TSPAN11: variants seen among roughly 807,000 people sequenced by gnomAD.
TSPAN11 encodes tetraspanin-11.
TSPAN11 carries 29 observed loss-of-function variants against 32.9 expected under a neutral mutation model. The observed-to-expected ratio is 0.88, with a 90% CI of 0.66 to 1.20. The LOEUF (loss-of-function observed/expected upper bound fraction) is 1.20, where lower values mean the gene tolerates loss of function less well. TSPAN11 is among the 50% of genes most tolerant of loss of function. TSPAN11 has a pLI of 0.00. For missense variants in TSPAN11, 283 were observed against 329.1 expected (o/e 0.86, Z 1.08); for synonymous variants, 140 against 141.3 (o/e 0.99, Z 0.07).
chr12:31,008,647 T>C, the TSPAN11 span, among the ~76,000 whole-genome samples: 2 of 152,310 alleles, frequency 1.3e-5, no homozygotes, highest in Admixed American at 1.3e-4. Flanking sequence ...CTCTACTCCC[T>C]CCACCATCCT....
intron 7 of TSPAN11, 99 bp downstream of exon 7, chr12:30,983,249 C>T: frequency 8.7e-7 from 1 of 1,150,212 alleles, no homozygotes. Flanking sequence ...AATAACTGAC[C>T]CTTTGCACAC....
At chr12:30,956,642 C>A (rs1365720814) in intron 2 of TSPAN11, among the ~76,000 whole-genome samples, 1 of 152,202 alleles carries the variant, frequency 6.6e-6, no homozygotes, top group East Asian at 1.9e-4. Context: ...CACTTTCATG[C>A]CTCCTTTGGG....
chr12:30,978,483 C>A, intron 3 of TSPAN11, 78 bp from the exon 4 acceptor site: 2 of 1,394,546 alleles, frequency 1.4e-6, no homozygotes, highest in Non-Finnish European at 2.0e-6. Flanking sequence ...ATCTCTACCA[C>A]CCCCACCACT....
chr12:30,990,157 T>C (rs185143267), intron 7 of TSPAN11, among the ~76,000 whole-genome samples: 5 of 150,446 alleles, frequency 3.3e-5, no homozygotes, highest in Admixed American at 6.6e-5. Context: ...TGTGTGCAAG[T>C]GTGTGTGTGT....
intron 2 of TSPAN11, 120 bp downstream of exon 2, chr12:30,954,195 C>T: frequency 8.1e-6 from 6 of 743,088 alleles, no homozygotes; most frequent in South Asian, 1.5e-5. Flanking sequence ...CAACGATCAA[C>T]CATGGGTGAA....
At chr12:30,932,647 G>C (rs947316926) in intron 1 of TSPAN11, among the ~76,000 whole-genome samples, 2 of 152,130 alleles carry the variant, frequency 1.3e-5, no homozygotes, top group Admixed American at 6.5e-5. Context: ...GTTTGTGTGA[G>C]GGAGTCACAA....
At chr12:31,014,932 G>A in the TSPAN11 span, among the ~76,000 whole-genome samples, 1 of 152,188 alleles carries the variant, frequency 6.6e-6, no homozygotes, top group Non-Finnish European at 1.5e-5. Context: ...ACAATAAATA[G>A]TTGATAAATA....
At chr12:30,980,079 G>A (rs781241704) in intron 5 of TSPAN11, among the ~76,000 whole-genome samples, 12 of 152,214 alleles carry the variant, frequency 7.9e-5, no homozygotes, top group Non-Finnish European at 1.8e-4. Flanking sequence ...GCTGGCTGCT[G>A]TGACTCCGTA....
At chr12:30,988,079 T>C (rs1399192652) in intron 7 of TSPAN11, among the ~76,000 whole-genome samples, 7 of 152,204 alleles carry the variant, frequency 4.6e-5, no homozygotes, top group Non-Finnish European at 1.0e-4. Flanking sequence ...ATGCTGAAGT[T>C]CTGCATTCCG....
At chr12:30,985,446 C>G (rs1353245105) in intron 7 of TSPAN11, among the ~76,000 whole-genome samples, 5 of 152,188 alleles carry the variant, frequency 3.3e-5, no homozygotes, top group Non-Finnish European at 7.3e-5. Flanking sequence ...ATCATTCTCA[C>G]TCAGCTGCAG....
chr12:31,015,191 C>T, the TSPAN11 span, among the ~76,000 whole-genome samples: 3 of 152,254 alleles, frequency 2.0e-5, no homozygotes, highest in South Asian at 2.1e-4. This position sits in a 1 kb window ranked among gnomAD's most constrained non-coding sequence, Gnocchi z 4.9. Flanking sequence ...TTGTGTATGG[C>T]GTAATATTTC....
chr12:31,004,272 A>G, the TSPAN11 span, among the ~76,000 whole-genome samples: 1 of 152,148 alleles, frequency 6.6e-6, no homozygotes, highest in Non-Finnish European at 1.5e-5. Context: ...CTGCCTGTTC[A>G]TCTCACACGT....
intron 1 of TSPAN11, among the ~76,000 whole-genome samples, chr12:30,934,624 A>G (rs1479936087): frequency 2.0e-5 from 3 of 148,898 alleles, no homozygotes; most frequent in African/African-American, 5.0e-5. Context: ...AACTTAAAAT[A>G]TTATGAGATT....
intron 2 of TSPAN11, among the ~76,000 whole-genome samples, chr12:30,957,032 G>T (rs555665996): frequency 2.0e-5 from 3 of 152,238 alleles, no homozygotes; most frequent in Admixed American, 6.5e-5. Flanking sequence ...GGAGTGCGAT[G>T]ACTTGAGAGC....
chr12:30,935,471 C>T (rs1263431120), intron 1 of TSPAN11, among the ~76,000 whole-genome samples: 1 of 150,864 alleles, frequency 6.6e-6, no homozygotes, highest in Non-Finnish European at 1.5e-5. Flanking sequence ...GCATCCTCCA[C>T]CTACTTGGTT....
At chr12:30,998,684 A>C (rs1334554366), downstream of TSPAN11, among the ~76,000 whole-genome samples, 1 of 152,196 alleles carries the variant, frequency 6.6e-6, no homozygotes, top group East Asian at 1.9e-4. Flanking sequence ...ACGTCACTGC[A>C]GTAAGGACAT....
chr12:30,954,087 C>A lies in TSPAN11; in HGVS notation c.84+12C>A. On this transcript the variant is annotated intron_variant, in intron 2 of 7. Coordinates refer to ENST00000546076, the MANE Select transcript of TSPAN11 (RefSeq NM_001370302.1). The stretch of plus-strand genomic sequence containing the variant: ...ACTTCTTCTTCTGGGTGAGTGAATT[C>A]TGCACACACATCCTCTTCCCCGAGC... The A allele has an allele frequency of 6.3e-7, 1 of 1,587,374 alleles. No individual in the cohort carries two copies. The highest frequency in any genetic ancestry group is 8.6e-7 in the Non-Finnish European group (1 of 1,156,186).
At chr12:30,982,405 A>G in intron 5 of TSPAN11, 127 bp from the exon 6 acceptor site, 2 of 1,361,292 alleles carry the variant, frequency 1.5e-6, no homozygotes, top group Middle Eastern at 2.1e-4. Flanking sequence ...ACATTATACA[A>G]ATACTAACTA....
At chr12:30,929,170 C>G (rs1316020604) in intron 1 of TSPAN11, among the ~76,000 whole-genome samples, 5 of 152,174 alleles carry the variant, frequency 3.3e-5, no homozygotes, top group Non-Finnish European at 7.3e-5. Context: ...AAGCCTCTCT[C>G]ACTAAAATAA....
Sources: gnomAD v4.1 joint callset for allele counts (sites outside exome capture counted in the v4.1 genomes callset) on GRCh38, gnomAD v4.1.1 for gene constraint, Gnocchi (gnomAD v3.1) non-coding constraint, MANE v1.5 for transcripts, NCBI Gene and HGNC (gene_info 2026-07-23, HGNC 2026-07-21) for gene names.